NCAPD3: variants seen among roughly 807,000 people sequenced by gnomAD.
NCAPD3 encodes non-SMC condensin II complex subunit D3.
In NCAPD3, 105 loss-of-function variants were observed where a neutral mutation model predicts 182.9. The observed-to-expected ratio is 0.57, with a 90% confidence interval of 0.49 to 0.68. NCAPD3 has a LOEUF of 0.68. Among genes scored for constraint, NCAPD3 ranks in the 30% least tolerant of loss-of-function variants. The probability of loss-of-function intolerance (pLI) is 0.00; values close to 1 mark genes in which losing one functional copy is unlikely to be tolerated. For missense variants in NCAPD3, 1,944 were observed against 1,837.0 expected, an observed-to-expected ratio of 1.06 and a Z score of -1.07; for synonymous variants, 815 against 679.9, an observed-to-expected ratio of 1.20 and a Z score of -3.09.
At chr11:134,167,453 A>G (rs1395975296) in intron 27 of NCAPD3, among the ~76,000 whole-genome samples, 51 of 52,326 alleles carry the variant, frequency 9.7e-4, no homozygotes, top group South Asian at 1.7e-3. Flanking sequence ...AGAGGAGCTT[A>G]GGGGAGGCGC....
At chr11:134,207,460 A>G (rs991474206) in intron 7 of NCAPD3, among the ~76,000 whole-genome samples, 5 of 152,138 alleles carry the variant, frequency 3.3e-5, no homozygotes, top group African/African-American at 1.2e-4. Context: ...ATTAAAAAAA[A>G]ATACCGACTG....
chr11:134,209,004 T>C, intron 6 of NCAPD3, 53 bp from the exon 7 acceptor site: 1 of 1,486,676 alleles, frequency 6.7e-7, no homozygotes, highest in Non-Finnish European at 9.3e-7. Context: ...ACTTGGAATA[T>C]TTCTTAGTCC....
At chr11:134,188,454 TTTG>T (rs1185145009) in intron 16 of NCAPD3, among the ~76,000 whole-genome samples, 1 of 152,190 alleles carries the variant, frequency 6.6e-6, no homozygotes, top group African/African-American at 2.4e-5. Context: ...CTGTGGAAGC[TTTG>T]TTCTTTCGCT....
intron 32 of NCAPD3, among the ~76,000 whole-genome samples, chr11:134,155,748 C>T (rs1279726904): frequency 3.3e-5 from 5 of 152,024 alleles, no homozygotes; most frequent in Non-Finnish European, 4.4e-5. Flanking sequence ...CCAGGAACAT[C>T]GAACACACAG....
At position 134,203,819 on chromosome 11, in the gene NCAPD3, G is replaced by A. The variant is rs763333713; in HGVS notation, c.1303C>T (p.His435Tyr). Residue 435 changes from histidine to tyrosine, a missense_variant, in exon 11 of 35, where the codon CAT (histidine) becomes TAT (tyrosine). His to Tyr is a moderately conservative substitution (Grantham distance 83, BLOSUM62 2). Around this residue, in one of 3 missense-constraint regions of NCAPD3, gnomAD observed 1,803 missense variants for 1,674.6 expected, o/e 1.08. Coordinates refer to ENST00000534548, the MANE Select transcript of NCAPD3 (RefSeq NM_015261.3). ...AACTTATGCTTTAAGAACTTCTGAT[G>A]CTCCAAGGAGAGGGTGTTATCCACC... ...REVDNTLSLE[H>Y]QKFLKHKFLV... The A allele has an allele frequency of 6.2e-7, 1 of 1,614,110 alleles. No homozygotes were observed. Among genetic ancestry groups the A allele is most frequent in the East Asian group, 2.2e-5 (1 of 44,866 alleles).
rs1943480588 is a variant in NCAPD3, at chr11:134,158,214, T to C, written c.4034+115A>G. On this transcript the variant is annotated intron_variant, in intron 30 of 34. Coordinates refer to ENST00000534548, the MANE Select transcript of NCAPD3 (RefSeq NM_015261.3). ...TCCCAGGGCACAGTGTGGAGCGGGG[T>C]GGCAGGCCAGACAATGACAATGACT... 4 of 1,528,740 alleles carry C rather than the reference T, an allele frequency of 2.6e-6. No individual in the cohort carries two copies. The Admixed American group carries it at 7.1e-5, about 27-fold the overall frequency. The allele number at this position is 1,528,740 out of a possible 1,614,324, so 94.7% of individuals were successfully genotyped here. A position where few individuals can be genotyped will look rare whatever the true frequency, so the allele number is the denominator to read the frequency against.
At chr11:134,160,511 G>A (rs956046398) in intron 28 of NCAPD3, among the ~76,000 whole-genome samples, 1 of 152,130 alleles carries the variant, frequency 6.6e-6, no homozygotes, top group African/African-American at 2.4e-5. Context: ...TCTAAAAGCT[G>A]CTCATCTGTC....
intron 1 of NCAPD3, among the ~76,000 whole-genome samples, chr11:134,221,524 A>C (rs996812537): frequency 1.3e-5 from 2 of 151,860 alleles, no homozygotes; most frequent in Non-Finnish European, 2.9e-5. Flanking sequence ...TCCCTCCCCT[A>C]TCCCTCCATC....
In NCAPD3 at chr11:134,174,412, C is replaced by CA. The variant is rs1057199027; in HGVS notation, c.3101+1894dup. Among the ~76,000 whole-genome samples the CA allele has an allele frequency of 3.8e-4, 37 of 98,048 alleles. No homozygotes were observed. The South Asian group carries it at 6.6e-3, about 17-fold the overall frequency. The allele number at this position is 98,048 out of a possible 152,430, so 64.3% of individuals were successfully genotyped here. ...AAAAAAAAAAAAAAAAAAAAGCAAACAAAAAAAACAGTATCTAACATAGCA... is the reference window on the plus strand; with the variant it reads ...AAAAAAAAAAAAAAAAAAAAGCAAACAAAAAAAAACAGTATCTAACATAGCA... On this transcript the variant is annotated intron_variant, in intron 24 of 34. Transcript: ENST00000534548.
intron 3 of NCAPD3, among the ~76,000 whole-genome samples, 195 bp from the exon 4 acceptor site, chr11:134,210,649 G>C (rs1294185184): frequency 6.6e-6 from 1 of 152,200 alleles, no homozygotes. Context: ...TAAGTAACAA[G>C]ATTTCCAAAT....
chr11:134,209,563 G>C (rs1937748741), intron 4 of NCAPD3, 86 bp from the exon 5 acceptor site: 1 of 1,297,380 alleles, frequency 7.7e-7, no homozygotes, highest in Non-Finnish European at 1.1e-6. Context: ...ACCAAGCCCA[G>C]ATAAACTCCA....
intron 16 of NCAPD3, chr11:134,185,849 G>A (rs1944393034): frequency 5.5e-6 from 1 of 180,244 alleles, no homozygotes; most frequent in Non-Finnish European, 1.1e-5. Context: ...CATGGGGTCA[G>A]TTACAGATAC....
At chr11:134,214,316 A>G (rs1342382880) in intron 3 of NCAPD3, among the ~76,000 whole-genome samples, 10 of 152,056 alleles carry the variant, frequency 6.6e-5, no homozygotes, top group Non-Finnish European at 7.4e-5. Flanking sequence ...TAAACAACTC[A>G]GAGATGTAAG....
chr11:134,166,781 G>C (rs1242807288), intron 27 of NCAPD3, among the ~76,000 whole-genome samples: 7 of 114,446 alleles, frequency 6.1e-5, no homozygotes, highest in Admixed American at 1.7e-4. Flanking sequence ...CTTGGGGGAG[G>C]CGCACACTCG....
At chr11:134,162,375 G>A (rs931238708) in intron 27 of NCAPD3, among the ~76,000 whole-genome samples, 1 of 152,076 alleles carries the variant, frequency 6.6e-6, no homozygotes, top group African/African-American at 2.4e-5. Context: ...CTCTCTCTCT[G>A]TGTACACATC....
intron 1 of NCAPD3, chr11:134,223,441 G>C (rs1938319605): frequency 1.4e-6 from 1 of 702,406 alleles, no homozygotes; most frequent in Non-Finnish European, 2.6e-6. Flanking sequence ...TTTCACTCAT[G>C]TGACGTTTGA....
rs2120551699 is a variant in NCAPD3, at chr11:134,160,034, A to G, written c.3725T>C (p.Phe1242Ser). The G allele has an allele frequency of 6.2e-7, 1 of 1,614,158 alleles. No individual in the cohort carries two copies. The highest frequency in any genetic ancestry group is 1.1e-5 in the South Asian group (1 of 91,084). The change falls in exon 29 of 35, where the codon TTT (phenylalanine) becomes TCT (serine). Residue 1242 changes from phenylalanine to serine, a missense_variant. Phe to Ser is a radical substitution (Grantham distance 155). Transcript: ENST00000534548. ...TGATGCCAGCTGTTTGTCAACTGCA[A>G]AGAAGTCCTTGAGCTCATCTCGGTA... ...QDYRDELKDF[F>S]AVDKQLASEL...
intron 28 of NCAPD3, among the ~76,000 whole-genome samples, chr11:134,160,824 A>G (rs963156778): frequency 1.3e-5 from 2 of 151,428 alleles, no homozygotes; most frequent in African/African-American, 4.9e-5. Flanking sequence ...CAATGAAGAG[A>G]CTCCCTCAAG....
upstream of NCAPD3, chr11:134,224,987 A>AGCGGCGGAGCCAGGCAGCCCCGCG: frequency 1.5e-6 from 1 of 667,390 alleles, no homozygotes; most frequent in Non-Finnish European, 2.1e-6. Context: ...GCCCGGCGGC[A>AGCGGCGGAGCCAGGCAGCCCCGCG]GCGGCGGAGC....
Sources: gnomAD v4.1 joint callset for allele counts (sites outside exome capture counted in the v4.1 genomes callset) on GRCh38, gnomAD v4.1.1 for gene constraint, gnomAD v4.1.1 regional missense constraint, MANE v1.5 for transcripts, NCBI Gene and HGNC (gene_info 2026-07-23, HGNC 2026-07-21) for gene names.